The following RPF2 variants were observed in gnomAD, a reference collection of about 807,000 sequenced individuals.
The protein encoded by RPF2 is brix domain containing 1.
In RPF2, 21 loss-of-function variants were observed where a neutral mutation model predicts 38.9. The ratio of observed to expected loss-of-function variants is 0.54; its 90% CI spans 0.38 to 0.78. The LOEUF is 0.78. Ranked by LOEUF, RPF2 falls within the 30% of genes least tolerant of loss-of-function variation. The pLI, the probability that RPF2 is intolerant of heterozygous loss-of-function variation, is 0.00. For synonymous variants in RPF2, 121 were observed against 126.2 expected (o/e 0.96, Z 0.28); for missense variants, 314 against 358.1 (o/e 0.88, Z 0.99).
At position 111,015,687 on chromosome 6, in the gene RPF2, A is replaced by G; in HGVS notation, c.494-67A>G. On this transcript the variant is annotated intron_variant, in intron 7 of 9. Coordinates refer to ENST00000441448, the MANE Select transcript of RPF2 (RefSeq NM_032194.3). ...ATTGGAGCAAAACTGTTTAGAGTGCAGTTCTTTGTAACTGAATTTTGCAAG... is the reference window on the plus strand; with the variant it reads ...ATTGGAGCAAAACTGTTTAGAGTGCGGTTCTTTGTAACTGAATTTTGCAAG... 2.8e-6 allele frequency: 3 copies of G among 1,063,056 alleles called. No individual in the cohort carries two copies. In the South Asian group the frequency reaches 3.8e-5, roughly 14 times the overall value. The allele number at this position is 1,063,056 out of a possible 1,614,324, so 65.9% of individuals were successfully genotyped here.
intron 6 of RPF2, among the ~76,000 whole-genome samples, chr6:111,007,157 A>G (rs1426635619): frequency 6.6e-6 from 1 of 152,190 alleles, no homozygotes; most frequent in East Asian, 1.9e-4. Context: ...TGCTGGGATT[A>G]TAGGCATGAG....
At chr6:111,016,422 A>G (rs1424813158) in intron 8 of RPF2, among the ~76,000 whole-genome samples, 1 of 151,972 alleles carries the variant, frequency 6.6e-6, no homozygotes, top group East Asian at 1.9e-4. Flanking sequence ...ACGAAACCCC[A>G]TCTCTACTAA....
chr6:111,019,371 C>G (rs930316144), intron 8 of RPF2, among the ~76,000 whole-genome samples: 1 of 152,116 alleles, frequency 6.6e-6, no homozygotes, highest in Non-Finnish European at 1.5e-5. Flanking sequence ...GCTTGGGAGG[C>G]AGAGGTTGCA....
intron 7 of RPF2, among the ~76,000 whole-genome samples, chr6:111,012,042 G>GTAT (rs943351103): frequency 6.8e-6 from 1 of 147,326 alleles, no homozygotes; most frequent in African/African-American, 2.5e-5. Flanking sequence ...AGCAAGAAAT[G>GTAT]TATGAAGGGC....
chr6:111,015,206 A>G (rs1409465588), intron 7 of RPF2, among the ~76,000 whole-genome samples: 1 of 152,230 alleles, frequency 6.6e-6, no homozygotes, highest in Non-Finnish European at 1.5e-5. Context: ...CACCGGTGGT[A>G]TGATTACCAC....
chr6:110,992,145 A>G (rs940418414), intron 4 of RPF2, among the ~76,000 whole-genome samples: 1 of 152,096 alleles, frequency 6.6e-6, no homozygotes, highest in African/African-American at 2.4e-5. Context: ...CGTCTCTACT[A>G]AAAATACAAA....
intron 8 of RPF2, among the ~76,000 whole-genome samples, chr6:111,019,768 C>T (rs1156965011): frequency 6.6e-6 from 1 of 152,038 alleles, no homozygotes; most frequent in Admixed American, 6.6e-5. Context: ...TATAAAATTA[C>T]CTTCAGGCTA....
intron 7 of RPF2, 57 bp downstream of exon 7, chr6:111,008,194 C>G: frequency 1.3e-6 from 2 of 1,506,098 alleles, no homozygotes; most frequent in Non-Finnish European, 1.8e-6. Flanking sequence ...GTCTCAGACT[C>G]TCACTGGTGG....
intron 9 of RPF2, among the ~76,000 whole-genome samples, chr6:111,024,686 G>A (rs559787485): frequency 8.2e-5 from 12 of 147,122 alleles, no homozygotes; most frequent in South Asian, 4.4e-4. Flanking sequence ...GCACTCCAGC[G>A]TGGGTGACAG....
intron 1 of RPF2, among the ~76,000 whole-genome samples, chr6:110,983,112 C>T (rs759010293): frequency 1.5e-4 from 23 of 151,914 alleles, no homozygotes; most frequent in Non-Finnish European, 2.5e-4. Context: ...TGGGACTGGA[C>T]GAGGGAGGGT....
chr6:110,995,929 AC>A (rs1771703490), intron 4 of RPF2, among the ~76,000 whole-genome samples: 1 of 150,928 alleles, frequency 6.6e-6, no homozygotes, highest in South Asian at 2.1e-4. Flanking sequence ...CCTTCCTCCC[AC>A]CTCAGCCTCC....
intron 3 of RPF2, among the ~76,000 whole-genome samples, chr6:110,991,420 A>T (rs1262286311): frequency 2.2e-5 from 3 of 138,240 alleles, no homozygotes; most frequent in Non-Finnish European, 3.1e-5. Context: ...TTTTTAACAC[A>T]CTTTCTTTGT....
At chr6:111,000,594 A>G (rs1473790496) in intron 6 of RPF2, among the ~76,000 whole-genome samples, 1 of 152,196 alleles carries the variant, frequency 6.6e-6, no homozygotes, top group Non-Finnish European at 1.5e-5. Flanking sequence ...AAATGGTAGT[A>G]AAAATACTCT....
At chr6:111,003,351 C>A (rs79878147) in intron 6 of RPF2, among the ~76,000 whole-genome samples, 1 of 151,916 alleles carries the variant, frequency 6.6e-6, no homozygotes, top group Admixed American at 6.6e-5. Context: ...AGTGCAGTGG[C>A]GTGATTTCGT....
intron 4 of RPF2, among the ~76,000 whole-genome samples, chr6:110,994,350 T>G (rs1405632012): frequency 1.3e-5 from 2 of 151,366 alleles, no homozygotes; most frequent in Non-Finnish European, 2.9e-5. Context: ...TTTGGTAGGA[T>G]GAAGTGGGAG....
chr6:110,987,258 C>T (rs1029705008), intron 2 of RPF2, among the ~76,000 whole-genome samples: 16 of 151,960 alleles, frequency 1.1e-4, no homozygotes, highest in African/African-American at 3.1e-4. Context: ...AGGGTTTCAC[C>T]ATGTTGGCCA....
intron 1 of RPF2, among the ~76,000 whole-genome samples, chr6:110,984,548 A>G (rs1465095177): frequency 6.6e-6 from 1 of 152,170 alleles, no homozygotes; most frequent in East Asian, 1.9e-4. Flanking sequence ...CTACCAAAAA[A>G]GTGAGATTTT....
At chr6:111,016,930 C>T (rs1772125699) in intron 8 of RPF2, among the ~76,000 whole-genome samples, 1 of 152,078 alleles carries the variant, frequency 6.6e-6, no homozygotes, top group South Asian at 2.1e-4. Context: ...CAAAGCACAT[C>T]TTGCACCGCC....
chr6:111,013,004 G>A (rs1200482549), intron 7 of RPF2, among the ~76,000 whole-genome samples: 3 of 152,114 alleles, frequency 2.0e-5, no homozygotes, highest in Non-Finnish European at 4.4e-5. Context: ...TATACTTTAG[G>A]TTATCAAGTT....
Sources: gnomAD v4.1 joint callset for allele counts (sites outside exome capture counted in the v4.1 genomes callset) on GRCh38, gnomAD v4.1.1 for gene constraint, MANE v1.5 for transcripts, NCBI Gene and HGNC (gene_info 2026-07-23, HGNC 2026-07-21) for gene names.